ABR: variants seen among roughly 807,000 people sequenced by gnomAD.
ABR encodes the protein active breakpoint cluster region-related protein.
Under a neutral mutation model 107.2 loss-of-function variants are expected in ABR, and 35 were observed. That is an observed-to-expected ratio of 0.33 (90% CI 0.25 to 0.43). The LOEUF is 0.43. Among genes scored for constraint, ABR ranks in the 20% least tolerant of loss-of-function variants. The probability of loss-of-function intolerance (pLI) is 1.00; values close to 1 mark genes in which losing one functional copy is unlikely to be tolerated. For missense variants in ABR, 815 were observed against 1,115.2 expected, an observed-to-expected ratio of 0.73 and a Z score of 3.83; for synonymous variants, 498 against 462.0, an observed-to-expected ratio of 1.08 and a Z score of -1.00.
chr17:1,120,571 A>G (rs113059642), intron 2 of ABR, among the ~76,000 whole-genome samples: 2,857 of 152,190 alleles, frequency 0.019, 83 homozygotes, highest in African/African-American at 0.065. Context: ...GAGCCACCGC[A>G]CCCGGCCAAT....
At chr17:1,192,374 T>G (rs1291521072) in intron 1 of ABR, among the ~76,000 whole-genome samples, 1 of 127,894 alleles carries the variant, frequency 7.8e-6, no homozygotes, top group Non-Finnish European at 1.8e-5. Flanking sequence ...ACTTCAGACA[T>G]GCCCAGAAAT....
At chr17:1,096,772 G>A (rs1397494077) in intron 3 of ABR, among the ~76,000 whole-genome samples, 15 of 149,706 alleles carry the variant, frequency 1.0e-4, no homozygotes, top group South Asian at 6.4e-4. Flanking sequence ...ACCTGCCCCG[G>A]GTGGAGAGAG....
chr17:1,023,025 G>A (rs968244477), intron 16 of ABR, among the ~76,000 whole-genome samples: 4 of 145,382 alleles, frequency 2.8e-5, no homozygotes, highest in Admixed American at 6.7e-5. Flanking sequence ...CCGGCCCCAC[G>A]TCCACTGCAG....
chr17:1,041,048 T>C (rs1332310268), intron 16 of ABR, among the ~76,000 whole-genome samples: 1 of 152,102 alleles, frequency 6.6e-6, no homozygotes, highest in Non-Finnish European at 1.5e-5. Context: ...GCCTCCCGAG[T>C]AGCTGGGATT....
intron 1 of ABR, among the ~76,000 whole-genome samples, chr17:1,212,367 G>A (rs1295353085): frequency 6.6e-6 from 1 of 151,988 alleles, no homozygotes; most frequent in East Asian, 1.9e-4. Context: ...GGAGTTTGAG[G>A]CTGCAGTGAG....
chr17:1,072,804 G>A, intron 7 of ABR, 50 bp from the exon 8 acceptor site: 1 of 1,587,016 alleles, frequency 6.3e-7, no homozygotes, highest in Non-Finnish European at 8.5e-7. Flanking sequence ...GGGGCCTGAT[G>A]TGTGGCCACC....
intron 5 of ABR, among the ~76,000 whole-genome samples, chr17:1,079,614 C>T (rs554454760): frequency 1.3e-5 from 2 of 151,972 alleles, no homozygotes; most frequent in East Asian, 3.9e-4. Context: ...CACGGTGAAA[C>T]CCCATCTCTA....
chr17:1,186,903 T>C (rs1395835571), exon 1 of ABR: 1 of 152,382 alleles, frequency 6.6e-6, no homozygotes, highest in African/African-American at 2.4e-5. Flanking sequence ...CCAATCTCCT[T>C]AGCCCCAAGG....
intron 16 of ABR, among the ~76,000 whole-genome samples, chr17:1,030,796 G>A (rs1459778373): frequency 2.0e-5 from 3 of 152,352 alleles, no homozygotes; most frequent in South Asian, 4.1e-4. Flanking sequence ...CTTGATGGAT[G>A]GGCCCAGCCC....
upstream of ABR, among the ~76,000 whole-genome samples, chr17:1,180,057 C>CG (rs1479368957): frequency 5.3e-4 from 3 of 5,620 alleles, no homozygotes; most frequent in Admixed American, 2.1e-3. Context: ...GGCTTTGGTG[C>CG]GGGGGCGGGG....
chr17:1,041,145 C>G (rs1399112080), intron 16 of ABR, among the ~76,000 whole-genome samples: 2 of 151,932 alleles, frequency 1.3e-5, no homozygotes, highest in East Asian at 2.0e-4. Flanking sequence ...GTCTCGAACT[C>G]CTGACCTCAT....
chr17:1,039,968 C>A (rs2030053180), intron 16 of ABR, among the ~76,000 whole-genome samples: 1 of 152,124 alleles, frequency 6.6e-6, no homozygotes, highest in African/African-American at 2.4e-5. Context: ...AGAGATGGAA[C>A]CAAAGGGAAA....
chr17:1,209,628 T>C (rs988507407), intron 1 of ABR, among the ~76,000 whole-genome samples: 3 of 152,020 alleles, frequency 2.0e-5, no homozygotes, highest in African/African-American at 7.2e-5. Context: ...AACTGACCTC[T>C]CGTGGTCATA....
Position 1,110,541 on chromosome 17 carries a change from A to G in ABR, c.247-9806T>C, listed in dbSNP as rs1489621467. 2.0e-5 allele frequency among the ~76,000 whole-genome samples: 3 copies of G among 152,196 alleles called. No homozygotes were observed. In the East Asian group the frequency reaches 5.8e-4, roughly 29 times the overall value. On this transcript the variant is annotated intron_variant, in intron 2 of 22. Transcript: ENST00000302538. ...CCTGATTTTAAAACGATGGCAAATA[A>G]TTAACATTTTAAAACAACATGGTGC...
At chr17:1,032,304 C>CGGGT in intron 16 of ABR, among the ~76,000 whole-genome samples, 1 of 152,288 alleles carries the variant, frequency 6.6e-6, no homozygotes, top group East Asian at 1.9e-4. Flanking sequence ...CTTGGTGACC[C>CGGGT]GGCCAGACCC....
At chr17:1,031,579 C>T in intron 16 of ABR, 1 of 1,218,082 alleles carries the variant, frequency 8.2e-7, no homozygotes, top group Non-Finnish European at 1.0e-6. Context: ...CCCCCGGAAC[C>T]TCCAGCCCCC....
chr17:1,108,906 C>T (rs539553051), intron 2 of ABR: 2 of 1,565,562 alleles, frequency 1.3e-6, no homozygotes, highest in East Asian at 2.5e-5. Context: ...CGGCCCCCCC[C>T]AGCGCCCAGG....
intron 1 of ABR, among the ~76,000 whole-genome samples, chr17:1,220,061 G>A (rs1248451401): frequency 2.0e-5 from 3 of 146,866 alleles, no homozygotes; most frequent in Non-Finnish European, 4.6e-5. Context: ...GGAGGCGGAG[G>A]CGGGCGGATC....
chr17:1,024,525 G>A (rs762492699), intron 16 of ABR, among the ~76,000 whole-genome samples: 5 of 152,084 alleles, frequency 3.3e-5, no homozygotes, highest in African/African-American at 4.8e-5. Context: ...GGGGGCTCCC[G>A]CCTGTAATCC....
Sources: allele counts gnomAD v4.1 joint callset (sites outside exome capture counted in the v4.1 genomes callset), GRCh38; gene constraint gnomAD v4.1.1; transcripts MANE v1.5; gene names NCBI Gene and HGNC (gene_info 2026-07-23, HGNC 2026-07-21).